The following MAGI1 variants were observed in gnomAD, a reference collection of about 807,000 sequenced individuals.
MAGI1 encodes the protein membrane associated guanylate kinase, WW and PDZ domain containing 1.
A neutral mutation model predicts 139.9 loss-of-function variants in MAGI1; 58 were observed. The ratio of observed to expected loss-of-function variants is 0.41; its 90% CI spans 0.34 to 0.52. The LOEUF (loss-of-function observed/expected upper bound fraction) is 0.52. Ranked by LOEUF, MAGI1 falls within the 20% of genes least tolerant of loss-of-function variation. MAGI1 has a pLI of 0.12. For synonymous variants in MAGI1, 812 were observed against 737.9 expected (o/e 1.10, Z -1.63); for missense variants, 1,874 against 1,901.6 (o/e 0.99, Z 0.27).
intron 1 of MAGI1, among the ~76,000 whole-genome samples, chr3:65,809,274 G>C (rs1283439386): frequency 1.3e-5 from 2 of 152,138 alleles, no homozygotes; most frequent in African/African-American, 4.8e-5. Context: ...CACTTCAGCA[G>C]GTCAAGTGTA....
intron 2 of MAGI1, among the ~76,000 whole-genome samples, chr3:65,567,862 G>T (rs1377780799): frequency 6.6e-6 from 1 of 152,010 alleles, no homozygotes; most frequent in Non-Finnish European, 1.5e-5. Context: ...AAAAAAAAGG[G>T]AAGCTCATGC....
intron 2 of MAGI1, among the ~76,000 whole-genome samples, chr3:65,551,932 G>A (rs548717386): frequency 5.9e-5 from 9 of 152,306 alleles, no homozygotes; most frequent in African/African-American, 2.2e-4. Flanking sequence ...CCTGTGTGGG[G>A]CTCATCAGAG....
intron 1 of MAGI1, among the ~76,000 whole-genome samples, chr3:65,830,063 T>A (rs13090006): frequency 0.49 from 74,036 of 152,008 alleles, 19,210 homozygotes; most frequent in East Asian, 0.76. Flanking sequence ...AGATGAAGCC[T>A]GGTACACATA....
At chr3:65,446,796 C>G (rs114861820) in intron 7 of MAGI1, among the ~76,000 whole-genome samples, 105 of 152,212 alleles carry the variant, frequency 6.9e-4, no homozygotes, top group African/African-American at 2.5e-3. Flanking sequence ...TAAGTCATCC[C>G]TCTCACAATG....
intron 7 of MAGI1, among the ~76,000 whole-genome samples, chr3:65,446,246 A>C (rs915136774): frequency 6.6e-6 from 1 of 152,328 alleles, no homozygotes; most frequent in Admixed American, 6.5e-5. Flanking sequence ...AAATATTAAA[A>C]CACGCTTTCA....
rs190724256 is a variant in MAGI1 at position 65,990,947 on chromosome 3, A to G, written c.313+47049T>C. Reference sequence around the variant, plus strand: ...GCCTGCAGTGACCTATGATCATATCACTGCACTCCAGCCTGGGTGATGGAG... The same window carrying G: ...GCCTGCAGTGACCTATGATCATATCGCTGCACTCCAGCCTGGGTGATGGAG... On this transcript the variant is annotated intron_variant, in intron 1 of 22. Transcript: ENST00000402939. Among the ~76,000 whole-genome samples the G allele has an allele frequency of 2.4e-3, 363 of 152,160 alleles. 2 individuals carry two copies. Among genetic ancestry groups the G allele is most frequent in the Non-Finnish European group, 3.8e-3 (256 of 67,998 alleles).
At chr3:65,361,002 C>T in intron 22 of MAGI1, 197 bp downstream of exon 22, 1 of 1,460,904 alleles carries the variant, frequency 6.8e-7, no homozygotes, top group Non-Finnish European at 9.0e-7. Flanking sequence ...AGGCCATGCC[C>T]CAGTCCACGT....
At chr3:65,432,202 G>C (rs1947506249) in intron 10 of MAGI1, among the ~76,000 whole-genome samples, 1 of 152,064 alleles carries the variant, frequency 6.6e-6, no homozygotes, top group Non-Finnish European at 1.5e-5. Context: ...CCAAGTAGTA[G>C]ACCTAATTTC....
At chr3:65,778,190 G>A (rs994256564) in intron 1 of MAGI1, among the ~76,000 whole-genome samples, 26 of 152,088 alleles carry the variant, frequency 1.7e-4, no homozygotes, top group Non-Finnish European at 3.4e-4. Flanking sequence ...AGCACTTTGG[G>A]GGGCCAAGGC....
intron 1 of MAGI1, among the ~76,000 whole-genome samples, chr3:65,866,392 A>G (rs2059730546): frequency 6.6e-6 from 1 of 151,458 alleles, no homozygotes; most frequent in African/African-American, 2.4e-5. Context: ...TAAGAGGGGA[A>G]AAAAAGCAGT....
intron 1 of MAGI1, among the ~76,000 whole-genome samples, chr3:65,984,569 G>A (rs949099511): frequency 7.0e-6 from 1 of 141,982 alleles, no homozygotes; most frequent in East Asian, 2.2e-4. Context: ...TCACTCTATC[G>A]CCCAGGCTGG....
At chr3:65,693,961 T>C (rs1459143704) in intron 1 of MAGI1, among the ~76,000 whole-genome samples, 1 of 152,002 alleles carries the variant, frequency 6.6e-6, no homozygotes, top group East Asian at 1.9e-4. Context: ...CCTCAGGTGA[T>C]CCACCCACCT....
chr3:66,028,519 C>A (rs941832565), intron 1 of MAGI1, among the ~76,000 whole-genome samples: 4 of 91,118 alleles, frequency 4.4e-5, no homozygotes, highest in Non-Finnish European at 1.0e-4. Context: ...GACCACTAAG[C>A]CCCACTGCTT....
chr3:65,958,828 A>G (rs1194613326), intron 1 of MAGI1, among the ~76,000 whole-genome samples: 4 of 152,158 alleles, frequency 2.6e-5, no homozygotes, highest in Non-Finnish European at 5.9e-5. Context: ...CTATATTAAA[A>G]ATACAAAAAT....
At chr3:66,008,238 C>A (rs867569101) in intron 1 of MAGI1, among the ~76,000 whole-genome samples, 37 of 152,162 alleles carry the variant, frequency 2.4e-4, no homozygotes, top group African/African-American at 8.4e-4. Flanking sequence ...TTCATAGGAC[C>A]AGCATCAGCA....
At chr3:65,412,839 T>G (rs190363827) in intron 12 of MAGI1, among the ~76,000 whole-genome samples, 11 of 152,306 alleles carry the variant, frequency 7.2e-5, no homozygotes, top group Admixed American at 5.9e-4. Context: ...CCTGGTGTCC[T>G]GACTTCCCAT....
intron 1 of MAGI1, among the ~76,000 whole-genome samples, chr3:65,746,943 T>C (rs1473515826): frequency 3.3e-5 from 5 of 152,134 alleles, no homozygotes; most frequent in African/African-American, 1.2e-4. Context: ...GCACATGTAA[T>C]GGGAAGGCCA....
chr3:65,831,142 G>A (rs1227928283), intron 1 of MAGI1, among the ~76,000 whole-genome samples: 3 of 152,070 alleles, frequency 2.0e-5, no homozygotes, highest in Non-Finnish European at 2.9e-5. Context: ...TGACCTTTTT[G>A]TCCTGTTCCT....
chr3:65,622,291 C>A (rs2083722174), intron 1 of MAGI1, among the ~76,000 whole-genome samples: 1 of 152,132 alleles, frequency 6.6e-6, no homozygotes, highest in Non-Finnish European at 1.5e-5. Flanking sequence ...ACTGGCAATG[C>A]ATTAATTTAG....
Sources: allele counts gnomAD v4.1 joint callset (sites outside exome capture counted in the v4.1 genomes callset), GRCh38; gene constraint gnomAD v4.1.1; transcripts MANE v1.5; gene names NCBI Gene and HGNC (gene_info 2026-07-23, HGNC 2026-07-21).